TWF1: variants seen among roughly 807,000 people sequenced by gnomAD.
TWF1 encodes twinfilin-1.
A neutral mutation model predicts 47.9 loss-of-function variants in TWF1; 14 were observed. The ratio of observed to expected loss-of-function variants is 0.29; its 90% CI spans 0.19 to 0.46. TWF1 has a LOEUF of 0.46. Ranked by LOEUF, TWF1 falls within the 20% of genes least tolerant of loss-of-function variation. TWF1 has a pLI of 1.00. For missense variants in TWF1, 281 were observed against 409.3 expected (o/e 0.69, Z 2.70); for synonymous variants, 96 against 139.2 (o/e 0.69, Z 2.18).
At chr12:43,799,188 A>G (rs1462869595) in intron 5 of TWF1, among the ~76,000 whole-genome samples, 1 of 152,126 alleles carries the variant, frequency 6.6e-6, no homozygotes, top group Non-Finnish European at 1.5e-5. Flanking sequence ...AGGAAAAGCT[A>G]TTTATAAAAT....
At position 43,806,214 on chromosome 12, in the gene TWF1, C is replaced by A; in HGVS notation, c.25+7G>T. 6.5e-7 allele frequency: 1 copy of A among 1,540,380 alleles called. No individual in the cohort carries two copies. The highest frequency in any genetic ancestry group is 2.5e-5 in the East Asian group (1 of 40,242). On this transcript the variant is annotated splice_region_variant and intron_variant, in intron 1 of 8. Coordinates refer to ENST00000395510, the MANE Select transcript of TWF1 (RefSeq NM_002822.5). ...CCTTCCCTGCGAGTCGCGCCGGGCG[C>A]TGTTACCTTGGATGCCGGTCTGGTG...
rs944295063 is a variant in TWF1 at position 43,795,483 on chromosome 12, A to T, written c.*102T>A. 5.9e-5 allele frequency: 72 copies of T among 1,225,768 alleles called. No homozygotes were observed. Among genetic ancestry groups the T allele is most frequent in the Non-Finnish European group, 1.6e-5 (14 of 893,878 alleles). 75.9% of individuals were successfully genotyped at this position (1,225,768 alleles called of 1,614,324 possible). On this transcript the variant is annotated 3_prime_UTR_variant, in exon 9 of 9. Coordinates refer to ENST00000395510, the MANE Select transcript of TWF1 (RefSeq NM_002822.5). ...AAAGTGCTATTTTCCAAAAAGTACA[A>T]TTTTTTTCCCTACTTTATATCAACA... is the stretch of plus-strand genomic sequence containing the variant.
chr12:43,798,642 T>C, intron 5 of TWF1: 1 of 1,355,992 alleles, frequency 7.4e-7, no homozygotes, highest in Non-Finnish European at 9.9e-7. Flanking sequence ...AAAAATCACA[T>C]AAAAAGCCCT....
Position 43,800,477 on chromosome 12 carries a change from A to G in TWF1, c.336T>C (p.Phe112=). 4 of 1,613,822 alleles carry G rather than the reference A, an allele frequency of 2.5e-6. No homozygotes were observed. Among genetic ancestry groups the G allele is most frequent in the Non-Finnish European group, 3.4e-6 (4 of 1,179,954 alleles). ...AATRATLKKE[F]GGGHIKDEVF... ...CTTCATCTTTAATGTGGCCACCTCC[A>G]AATTCCTTCTTCAGAGTTGCTCTTG... Residue 112 remains phenylalanine (F), a synonymous_variant, in exon 4 of 9, where the codon TTT becomes TTC. Coordinates refer to ENST00000395510, the MANE Select transcript of TWF1 (RefSeq NM_002822.5).
Position 43,800,549 on chromosome 12 carries a change from T to C in TWF1, c.283-19A>G, listed in dbSNP as rs145020362. On this transcript the variant is annotated intron_variant, in intron 3 of 8. Coordinates refer to ENST00000395510, the MANE Select transcript of TWF1 (RefSeq NM_002822.5). Reference sequence around the variant, plus strand: ...GACGAACCTATTCAGTTGTGAAAGTTTACTTAGTTTATAGATGAAAACATA... The same window carrying C: ...GACGAACCTATTCAGTTGTGAAAGTCTACTTAGTTTATAGATGAAAACATA... 3.0e-4 allele frequency: 476 copies of C among 1,577,142 alleles called. 6 individuals carry two copies. In the East Asian group the frequency reaches 9.6e-3, roughly 32 times the overall value.
At position 43,804,722 on chromosome 12, in the gene TWF1, T is replaced by C; in HGVS notation, c.26-150A>G. The C allele has an allele frequency of 7.5e-6, 4 of 531,090 alleles. 1 individual carries two copies. In the South Asian group the frequency reaches 1.1e-4, roughly 15 times the overall value. The allele number at this position is 531,090 out of a possible 1,614,324, so 32.9% of individuals were successfully genotyped here. On this transcript the variant is annotated intron_variant, in intron 1 of 8. Transcript: ENST00000395510. ...TATTATAAAACTTTACCGCATAAAA[T>C]AACGAAGACTGTATACAATTAAGAA...
intron 1 of TWF1, among the ~76,000 whole-genome samples, chr12:43,805,202 T>C (rs1487897622): frequency 1.3e-5 from 2 of 152,230 alleles, no homozygotes; most frequent in East Asian, 3.8e-4. Context: ...TGTTGTCTAT[T>C]AGCAGCAAGA....
In TWF1 at chr12:43,795,630, T is replaced by G. The variant is rs1206107211; in HGVS notation, c.1008A>C (p.Arg336=). The G allele has an allele frequency of 6.2e-7, 1 of 1,612,576 alleles. No individual in the cohort carries two copies. Among genetic ancestry groups the G allele is most frequent in the African/African-American group, 1.3e-5 (1 of 74,902 alleles). ...PKGPAGKRGI[R]RLIRGPAETE... The stretch of plus-strand genomic sequence containing the variant: ...TTTCCGCTGGGCCCCTAATTAGTCT[T>G]CGAATTCCTCTTTTTCCTGCAGGAC... The change falls in exon 9 of 9, where the codon CGA becomes CGC. Residue 336 remains arginine (R), a synonymous_variant. Transcript: ENST00000395510.
In TWF1 at chr12:43,795,331, G is replaced by A. The variant is rs546580839; in HGVS notation, c.*254C>T. The A allele has an allele frequency of 7.8e-6, 3 of 385,832 alleles. No individual in the cohort carries two copies. Among genetic ancestry groups the A allele is most frequent in the African/African-American group, 2.0e-5 (1 of 49,428 alleles). The allele number at this position is 385,832 out of a possible 1,614,324, so 23.9% of individuals were successfully genotyped here. On this transcript the variant is annotated 3_prime_UTR_variant, in exon 9 of 9. Transcript: ENST00000395510. ...TAAAATTTTAAGAAGTATTTGAAGT[G>A]TGGAATCAACGCTATGAAAACAGTG...
chr12:43,800,302 T>C (rs950836588), intron 4 of TWF1, 133 bp downstream of exon 4: 5 of 618,688 alleles, frequency 8.1e-6, no homozygotes, highest in African/African-American at 5.6e-5. Flanking sequence ...TAATATTATA[T>C]GAAATACAGT....
In TWF1 at chr12:43,805,804, C is replaced by T. The variant is rs756873835; in HGVS notation, c.25+417G>A. The T allele has an allele frequency of 3.7e-6, 5 of 1,364,236 alleles. No individual in the cohort carries two copies. In the African/African-American group the frequency reaches 7.3e-5, roughly 20 times the overall value. The allele number at this position is 1,364,236 out of a possible 1,614,324, so 84.5% of individuals were successfully genotyped here. A position where few individuals can be genotyped will look rare whatever the true frequency, so the allele number is the denominator to read the frequency against. On this transcript the variant is annotated intron_variant, in intron 1 of 8. Coordinates refer to ENST00000395510, the MANE Select transcript of TWF1 (RefSeq NM_002822.5). ...GTAATCAAAGTCCTGTAATATTCTC[C>T]TTTGGACCATGAAAAAGAAAACTCG...
At chr12:43,805,716 A>T in intron 1 of TWF1, 1 of 1,041,198 alleles carries the variant, frequency 9.6e-7, no homozygotes, top group South Asian at 1.3e-5. Context: ...TGGAGAGAAA[A>T]TGCGGGAGAG....
chr12:43,802,512 AAGT>A, intron 2 of TWF1, 48 bp from the exon 3 acceptor site: 1 of 1,370,748 alleles, frequency 7.3e-7, no homozygotes, highest in Non-Finnish European at 1.0e-6. Context: ...TTGAGATATC[AAGT>A]GGTAGTGTGA....
chr12:43,804,154 AT>A (rs746126686), intron 2 of TWF1: 23,927 of 314,002 alleles, frequency 0.076, no homozygotes, highest in South Asian at 0.13. Flanking sequence ...ACAAGTAACT[AT>A]TTTTTTTTTT....
At position 43,797,486 on chromosome 12, in the gene TWF1, C is replaced by T. The variant is rs771102608; in HGVS notation, c.610-34G>A. 1.5e-5 allele frequency: 22 copies of T among 1,506,868 alleles called. No individual in the cohort carries two copies. The South Asian group carries it at 2.7e-4, about 18-fold the overall frequency. 93.3% of individuals were successfully genotyped at this position (1,506,868 alleles called of 1,614,324 possible). ...AAGAAACAAAATATGTTCATTAAAA[C>T]CAGATATAAGGAAATTAAGTTAAAA... On this transcript the variant is annotated intron_variant, in intron 6 of 8. Transcript: ENST00000395510.
intron 2 of TWF1, among the ~76,000 whole-genome samples, chr12:43,803,019 T>G (rs1297321440): frequency 6.6e-6 from 1 of 152,156 alleles, no homozygotes; most frequent in Non-Finnish European, 1.5e-5. Flanking sequence ...CTACTATGCA[T>G]ACAGAATCTC....
rs1942638375 is a variant in TWF1, at chr12:43,800,428, A to G, written c.378+7T>C. 1 of 1,605,880 alleles carries G rather than the reference A, an allele frequency of 6.2e-7. No individual in the cohort carries two copies. The highest frequency in any genetic ancestry group is 1.1e-5 in the South Asian group (1 of 90,518). ...CAACATATAGAATCCACATACAAACATAATACCTTTACTGTTCCAAATACT... is the reference window on the plus strand; with the variant it reads ...CAACATATAGAATCCACATACAAACGTAATACCTTTACTGTTCCAAATACT... On this transcript the variant is annotated splice_region_variant and intron_variant, in intron 4 of 8. Transcript: ENST00000395510.
intron 5 of TWF1, among the ~76,000 whole-genome samples, 199 bp from the exon 6 acceptor site, chr12:43,798,032 G>A (rs1942587030): frequency 6.6e-6 from 1 of 152,080 alleles, no homozygotes; most frequent in Non-Finnish European, 1.5e-5. Context: ...CGACAATGTT[G>A]GAAGTGAACA....
chr12:43,795,944 T>C (rs560975226), intron 8 of TWF1, among the ~76,000 whole-genome samples, 189 bp from the exon 9 acceptor site: 1 of 152,334 alleles, frequency 6.6e-6, no homozygotes, highest in South Asian at 2.1e-4. Context: ...TATAATCAGC[T>C]ACATTCACTT....
Sources: allele counts gnomAD v4.1 joint callset (sites outside exome capture counted in the v4.1 genomes callset), GRCh38; gene constraint gnomAD v4.1.1; transcripts MANE v1.5; gene names NCBI Gene and HGNC (gene_info 2026-07-23, HGNC 2026-07-21).